PCP4: variants seen among roughly 807,000 people sequenced by gnomAD.
The protein encoded by PCP4 is Purkinje cell protein 4.
Under a neutral mutation model 10.0 loss-of-function variants are expected in PCP4, and 8 were observed. The ratio of observed to expected loss-of-function variants is 0.80; its 90% CI spans 0.47 to 1.45. The LOEUF (loss-of-function observed/expected upper bound fraction) is 1.45. PCP4 is among the 40% of genes most tolerant of loss of function. PCP4 has a pLI of 0.00. For missense variants in PCP4, 54 were observed against 74.4 expected (o/e 0.73, Z 1.01); for synonymous variants, 21 against 23.0 (o/e 0.91, Z 0.24).
chr21:39,927,491 T>A (rs2087630696), intron 2 of PCP4, among the ~76,000 whole-genome samples: 1 of 152,162 alleles, frequency 6.6e-6, no homozygotes, highest in Admixed American at 6.5e-5. Flanking sequence ...AGCTGGTGCC[T>A]GAGCATTATT....
intron 1 of PCP4, among the ~76,000 whole-genome samples, chr21:39,888,437 G>A (rs147469351): frequency 8.3e-4 from 127 of 152,302 alleles, no homozygotes; most frequent in African/African-American, 3.0e-3. Flanking sequence ...TGGGGGGAGC[G>A]TGGCTGCTGG....
chr21:39,907,784 G>A (rs1314588770), intron 2 of PCP4, among the ~76,000 whole-genome samples: 1 of 149,558 alleles, frequency 6.7e-6, no homozygotes, highest in East Asian at 2.1e-4. Context: ...GCAACAGAGT[G>A]AGACTCTGTC....
intron 2 of PCP4, among the ~76,000 whole-genome samples, chr21:39,928,533 T>G (rs2087635794): frequency 6.6e-6 from 1 of 152,242 alleles, no homozygotes; most frequent in Non-Finnish European, 1.5e-5. Flanking sequence ...TAAGCAAATC[T>G]TTCCTGAGAA....
intron 2 of PCP4, among the ~76,000 whole-genome samples, chr21:39,926,978 A>G (rs2087624803): frequency 6.6e-6 from 1 of 152,190 alleles, no homozygotes; most frequent in Admixed American, 6.5e-5. Context: ...GGTGCACTCA[A>G]CATCTCTGCT....
At chr21:39,869,898 G>A (rs2087311720) in intron 1 of PCP4, among the ~76,000 whole-genome samples, 1 of 152,236 alleles carries the variant, frequency 6.6e-6, no homozygotes, top group African/African-American at 2.4e-5. Flanking sequence ...GAAAGCCAGA[G>A]CAATGGATTT....
At chr21:39,873,607 G>T (rs2087330896) in intron 1 of PCP4, among the ~76,000 whole-genome samples, 1 of 152,028 alleles carries the variant, frequency 6.6e-6, no homozygotes, top group African/African-American at 2.4e-5. Context: ...TCATCCCCAG[G>T]GATGAACTAT....
rs1305724557 is a variant in PCP4 at position 39,907,780 on chromosome 21, G to C, written c.61+9253G>C. Among the ~76,000 whole-genome samples the C allele has an allele frequency of 4.0e-5, 6 of 150,934 alleles. No homozygotes were observed. In the East Asian group the frequency reaches 1.2e-3, roughly 30 times the overall value. ...CCACTGCACTCCAGCCTGGGCAACA[G>C]AGTGAGACTCTGTCTCAAAAAAAAA... On this transcript the variant is annotated intron_variant, in intron 2 of 2. Coordinates refer to ENST00000328619, the MANE Select transcript of PCP4 (RefSeq NM_006198.3).
At chr21:39,917,678 G>A (rs1238018873) in intron 2 of PCP4, among the ~76,000 whole-genome samples, 3 of 152,174 alleles carry the variant, frequency 2.0e-5, no homozygotes, top group African/African-American at 7.2e-5. Flanking sequence ...TTGAATTCAA[G>A]CTGTCCTTAG....
At chr21:39,879,607 C>T (rs2146327362) in intron 1 of PCP4, among the ~76,000 whole-genome samples, 1 of 152,256 alleles carries the variant, frequency 6.6e-6, no homozygotes, top group African/African-American at 2.4e-5. Context: ...CGTCGGAGGC[C>T]CCTTCTCTGG....
intron 2 of PCP4, among the ~76,000 whole-genome samples, chr21:39,912,158 T>TGA (rs2087543135): frequency 6.6e-6 from 1 of 152,216 alleles, no homozygotes; most frequent in Non-Finnish European, 1.5e-5. Context: ...TTTCTTGACA[T>TGA]CAGCCTCTGT....
intron 2 of PCP4, among the ~76,000 whole-genome samples, chr21:39,916,448 A>C (rs1025057906): frequency 1.3e-5 from 2 of 152,118 alleles, no homozygotes; most frequent in African/African-American, 4.8e-5. Context: ...TTTTATTATA[A>C]GACCTTTAAT....
At chr21:39,870,405 C>G (rs1481365977) in intron 1 of PCP4, among the ~76,000 whole-genome samples, 1 of 152,148 alleles carries the variant, frequency 6.6e-6, no homozygotes. Flanking sequence ...GAGAATGTAG[C>G]AGGGATCAGA....
At chr21:39,917,356 C>G (rs957413709) in intron 2 of PCP4, among the ~76,000 whole-genome samples, 2 of 152,172 alleles carry the variant, frequency 1.3e-5, no homozygotes, top group African/African-American at 4.8e-5. Flanking sequence ...CTGATGCGCA[C>G]TTCTGCCTCT....
chr21:39,877,897 A>G (rs2087354016), intron 1 of PCP4, among the ~76,000 whole-genome samples: 1 of 152,146 alleles, frequency 6.6e-6, no homozygotes, highest in African/African-American at 2.4e-5. Flanking sequence ...TTTAGAAAAC[A>G]TTTGTCCAGA....
intron 1 of PCP4, among the ~76,000 whole-genome samples, chr21:39,880,158 CTATATCTA>C (rs1247097326): frequency 6.7e-6 from 1 of 150,154 alleles, no homozygotes; most frequent in Non-Finnish European, 1.5e-5. Flanking sequence ...ATATCTATAT[CTATATCTA>C]TATCTATATC....
At chr21:39,907,219 C>T (rs1269209275) in intron 2 of PCP4, among the ~76,000 whole-genome samples, 1 of 150,850 alleles carries the variant, frequency 6.6e-6, no homozygotes, top group East Asian at 2.0e-4. Flanking sequence ...GATGTGTTCT[C>T]CCCTCCACAT....
intron 1 of PCP4, among the ~76,000 whole-genome samples, chr21:39,894,843 ATCT>A (rs1187163406): frequency 2.0e-5 from 3 of 152,226 alleles, no homozygotes; most frequent in Non-Finnish European, 4.4e-5. Flanking sequence ...AAGAGATCAC[ATCT>A]TCTCCTATTT....
chr21:39,888,541 G>T (rs971900002), intron 1 of PCP4, among the ~76,000 whole-genome samples: 10 of 152,190 alleles, frequency 6.6e-5, no homozygotes, highest in African/African-American at 2.4e-4. Context: ...AATTTCTCCA[G>T]TGATACGCAG....
intron 1 of PCP4, among the ~76,000 whole-genome samples, chr21:39,871,943 A>G (rs957105836): frequency 2.0e-5 from 3 of 152,186 alleles, no homozygotes; most frequent in African/African-American, 7.2e-5. Context: ...AAAAGAAAAC[A>G]TGTTTTTGTA....
Sources: allele counts gnomAD v4.1 joint callset (sites outside exome capture counted in the v4.1 genomes callset), GRCh38; gene constraint gnomAD v4.1.1; transcripts MANE v1.5; gene names NCBI Gene and HGNC (gene_info 2026-07-23, HGNC 2026-07-21).